Variants in ADARB2 observed in about 807,000 individuals in gnomAD.
ADARB2 encodes inactive double-stranded RNA-specific editase B2.
A neutral mutation model predicts 62.2 loss-of-function variants in ADARB2; 25 were observed. That is an observed-to-expected ratio of 0.40 (90% confidence interval 0.29 to 0.56). The LOEUF is 0.56. ADARB2 is among the 20% of genes least tolerant of loss of function. ADARB2 has a pLI of 0.43. For synonymous variants in ADARB2, 572 were observed against 500.8 expected, an observed-to-expected ratio of 1.14 and a Z score of -1.90; for missense variants, 1,071 against 1,077.4, an observed-to-expected ratio of 0.99 and a Z score of 0.08.
At chr10:1,532,138 C>T (rs1832251970) in intron 1 of ADARB2, among the ~76,000 whole-genome samples, 1 of 152,148 alleles carries the variant, frequency 6.6e-6, no homozygotes, top group Non-Finnish European at 1.5e-5. Context: ...TTTCCTGTAT[C>T]AGCCCGCACC....
intron 1 of ADARB2, among the ~76,000 whole-genome samples, chr10:1,496,690 C>G (rs769413996): frequency 3.3e-5 from 5 of 152,038 alleles, no homozygotes; most frequent in Non-Finnish European, 5.9e-5. Flanking sequence ...TCATTATCAA[C>G]TTAATTATCA....
intron 1 of ADARB2, among the ~76,000 whole-genome samples, chr10:1,396,024 G>T (rs996417043): frequency 6.6e-6 from 1 of 152,176 alleles, no homozygotes; most frequent in Non-Finnish European, 1.5e-5. Context: ...CTTCAGCACT[G>T]GTCCAAATGC....
At chr10:1,400,444 C>T (rs892221765) in intron 1 of ADARB2, among the ~76,000 whole-genome samples, 9 of 152,198 alleles carry the variant, frequency 5.9e-5, no homozygotes, top group African/African-American at 2.2e-4. Flanking sequence ...CAAGTCACGG[C>T]AGCACATGGA....
chr10:1,457,631 C>A (rs1375576826), intron 1 of ADARB2, among the ~76,000 whole-genome samples: 2 of 152,216 alleles, frequency 1.3e-5, no homozygotes. Flanking sequence ...AGCTACAATT[C>A]CACAGCCTCA....
At chr10:1,693,618 G>T (rs1285069081) in intron 1 of ADARB2, among the ~76,000 whole-genome samples, 1 of 152,078 alleles carries the variant, frequency 6.6e-6, no homozygotes, top group African/African-American at 2.4e-5. Flanking sequence ...TCTTATAAAG[G>T]ATACTGAAAT....
intron 1 of ADARB2, among the ~76,000 whole-genome samples, chr10:1,549,547 C>T (rs538633802): frequency 2.6e-5 from 4 of 152,070 alleles, no homozygotes; most frequent in African/African-American, 7.2e-5. Flanking sequence ...TAAGAGAAGA[C>T]GCTGCCTCCT....
intron 2 of ADARB2, among the ~76,000 whole-genome samples, chr10:1,368,668 T>C (rs908998910): frequency 6.6e-6 from 1 of 152,212 alleles, no homozygotes; most frequent in African/African-American, 2.4e-5. Context: ...CTCTCTCTGG[T>C]TGGCAAGGCA....
chr10:1,479,640 G>A lies in ADARB2; in HGVS notation c.101-100480C>T, dbSNP rs138051452. Reference sequence around the variant, plus strand: ...TGGAGGGCAGAGCCCTATAGGGAGGGGAGAGGCTGAAGAGGGGTGGCGGCT... The same window carrying A: ...TGGAGGGCAGAGCCCTATAGGGAGGAGAGAGGCTGAAGAGGGGTGGCGGCT... On this transcript the variant is annotated intron_variant, in intron 1 of 9. Transcript: ENST00000381312. Among the ~76,000 whole-genome samples the A allele has an allele frequency of 7.6e-4, 116 of 152,338 alleles. No homozygotes were observed. In the East Asian group the frequency reaches 0.015, roughly 20 times the overall value.
intron 4 of ADARB2, among the ~76,000 whole-genome samples, chr10:1,245,679 A>T (rs1237438689): frequency 2.0e-5 from 3 of 152,074 alleles, no homozygotes; most frequent in African/African-American, 7.2e-5. Flanking sequence ...ATCCTTTTTT[A>T]TGGCTGCATA....
chr10:1,201,411 A>C (rs576113727), intron 7 of ADARB2, among the ~76,000 whole-genome samples: 2 of 152,374 alleles, frequency 1.3e-5, no homozygotes, highest in African/African-American at 4.8e-5. Flanking sequence ...TCAGATTTGC[A>C]TAACTTCATT....
At chr10:1,578,204 G>A (rs935146362) in intron 1 of ADARB2, among the ~76,000 whole-genome samples, 7 of 152,162 alleles carry the variant, frequency 4.6e-5, no homozygotes, top group South Asian at 2.1e-4. Flanking sequence ...TTCCCGCAGC[G>A]GAACAGATGG....
At chr10:1,371,104 T>C (rs1033070253) in intron 2 of ADARB2, among the ~76,000 whole-genome samples, 3 of 152,162 alleles carry the variant, frequency 2.0e-5, no homozygotes, top group African/African-American at 7.2e-5. Flanking sequence ...GATAGACACA[T>C]AGACCCACGG....
intron 4 of ADARB2, among the ~76,000 whole-genome samples, chr10:1,266,967 A>G (rs528330404): frequency 3.9e-5 from 6 of 152,318 alleles, no homozygotes; most frequent in Admixed American, 3.9e-4. Context: ...AAGAATGAAG[A>G]GACAAATTTT....
At chr10:1,585,301 C>T (rs1024805159) in intron 1 of ADARB2, among the ~76,000 whole-genome samples, 3 of 152,082 alleles carry the variant, frequency 2.0e-5, no homozygotes, top group African/African-American at 4.8e-5. Flanking sequence ...ATCCCCAAAT[C>T]GCTAAGCCAA....
intron 1 of ADARB2, among the ~76,000 whole-genome samples, chr10:1,586,349 G>A (rs767177744): frequency 2.6e-5 from 4 of 152,186 alleles, no homozygotes; most frequent in Admixed American, 6.5e-5. Flanking sequence ...GAAGGACCCC[G>A]AGTGCTTGAT....
chr10:1,432,486 G>A (rs530762638), intron 1 of ADARB2, among the ~76,000 whole-genome samples: 4 of 151,318 alleles, frequency 2.6e-5, no homozygotes, highest in African/African-American at 9.7e-5. Flanking sequence ...GCCCGTGACT[G>A]TGACCTTTAC....
At chr10:1,300,444 C>A (rs989950654) in intron 3 of ADARB2, among the ~76,000 whole-genome samples, 1 of 152,182 alleles carries the variant, frequency 6.6e-6, no homozygotes, top group Non-Finnish European at 1.5e-5. Flanking sequence ...CGCCTCTCCT[C>A]CTGACATTGC....
At chr10:1,628,572 G>T (rs895117236) in intron 1 of ADARB2, among the ~76,000 whole-genome samples, 2 of 152,192 alleles carry the variant, frequency 1.3e-5, no homozygotes, top group East Asian at 3.9e-4. Context: ...ACACTTGGCC[G>T]AATGTCACTA....
intron 2 of ADARB2, among the ~76,000 whole-genome samples, chr10:1,364,313 C>G (rs536413181): frequency 1.3e-4 from 20 of 151,242 alleles, no homozygotes; most frequent in Non-Finnish European, 2.9e-4. Context: ...CCTCCAGGCC[C>G]GGTGCCCAAT....
Sources: gnomAD v4.1 joint callset for allele counts (sites outside exome capture counted in the v4.1 genomes callset) on GRCh38, gnomAD v4.1.1 for gene constraint, MANE v1.5 for transcripts, NCBI Gene and HGNC (gene_info 2026-07-23, HGNC 2026-07-21) for gene names.